Variants in HTR4 observed in about 807,000 individuals in gnomAD.
HTR4 encodes the protein 5-hydroxytryptamine receptor 4.
HTR4 carries 16 observed loss-of-function variants against 36.8 expected under a neutral mutation model. The observed-to-expected ratio is 0.43, with a 90% CI of 0.29 to 0.66. HTR4 has a LOEUF of 0.66. Among genes scored for constraint, HTR4 ranks in the 30% least tolerant of loss-of-function variants. The pLI is 0.13. For synonymous variants in HTR4, 189 were observed against 185.1 expected (o/e 1.02, Z -0.17); for missense variants, 438 against 490.9 (o/e 0.89, Z 1.02).
chr5:148,625,484 A>G (rs971353947), intron 2 of HTR4, among the ~76,000 whole-genome samples: 2 of 152,224 alleles, frequency 1.3e-5, no homozygotes, highest in Non-Finnish European at 2.9e-5. Flanking sequence ...TATTTTAAAT[A>G]CTTTTCAACT....
chr5:148,607,116 T>C (rs774630407), intron 2 of HTR4, among the ~76,000 whole-genome samples: 1 of 152,240 alleles, frequency 6.6e-6, no homozygotes, highest in African/African-American at 2.4e-5. Flanking sequence ...GTCTTAATTC[T>C]ATTCCTTCCT....
At chr5:148,534,875 G>A (rs976137259) in intron 4 of HTR4, among the ~76,000 whole-genome samples, 9 of 152,068 alleles carry the variant, frequency 5.9e-5, no homozygotes, top group African/African-American at 2.2e-4. Flanking sequence ...CTGCCTCCAA[G>A]TGGAGGAAGG....
intron 2 of HTR4, among the ~76,000 whole-genome samples, chr5:148,624,902 C>T (rs1449936950): frequency 6.6e-6 from 1 of 152,152 alleles, no homozygotes; most frequent in African/African-American, 2.4e-5. Context: ...AGATGTCAGA[C>T]TAAATACCAG....
At chr5:148,540,442 ATATAT>A (rs1759062567) in intron 4 of HTR4, among the ~76,000 whole-genome samples, 5 of 122,556 alleles carry the variant, frequency 4.1e-5, no homozygotes, top group South Asian at 2.6e-4. Context: ...ATATATATAT[ATATAT>A]AATCTTATAT....
intron 6 of HTR4, among the ~76,000 whole-genome samples, chr5:148,505,773 A>G (rs907049851): frequency 6.6e-6 from 1 of 152,184 alleles, no homozygotes; most frequent in African/African-American, 2.4e-5. Context: ...CCCAATCACA[A>G]TTGCTTCAAA....
intron 2 of HTR4, among the ~76,000 whole-genome samples, chr5:148,573,041 C>T (rs760748941): frequency 1.3e-5 from 2 of 152,032 alleles, no homozygotes; most frequent in South Asian, 2.1e-4. Context: ...AGATCTCATT[C>T]GAGAGACCAA....
chr5:148,569,584 A>G (rs971987759), intron 2 of HTR4, among the ~76,000 whole-genome samples: 4 of 150,446 alleles, frequency 2.7e-5, no homozygotes, highest in South Asian at 2.1e-4. Context: ...TTGTATGTAT[A>G]TTATATTTAT....
chr5:148,452,493 C>A (rs1971431), intron 5 of HTR4, among the ~76,000 whole-genome samples: 1 of 152,004 alleles, frequency 6.6e-6, no homozygotes, highest in African/African-American at 2.4e-5. Flanking sequence ...TGGCACCTAG[C>A]GGGTAGGGAC....
intron 4 of HTR4, among the ~76,000 whole-genome samples, chr5:148,536,414 T>C (rs1055669312): frequency 6.6e-6 from 1 of 151,842 alleles, no homozygotes; most frequent in African/African-American, 2.4e-5. Context: ...ATGGATTAAA[T>C]GCCTCACTTA....
intron 6 of HTR4, among the ~76,000 whole-genome samples, chr5:148,505,935 A>G (rs1323103204): frequency 1.3e-5 from 2 of 152,200 alleles, no homozygotes; most frequent in African/African-American, 4.8e-5. Flanking sequence ...TATCGCGAAA[A>G]TGGCCATACT....
rs377467107 is a variant in HTR4 at position 148,616,681 on chromosome 5, A to G, written c.26+20308T>C. On this transcript the variant is annotated intron_variant, in intron 2 of 6. Transcript: ENST00000377888. The stretch of plus-strand genomic sequence containing the variant: ...ATTAGTATCTGTGTTCATCTTCACC[A>G]GAAAGAATAATATAATATAAATTAA... Among the ~76,000 whole-genome samples, 7 of 152,362 alleles carry G rather than the reference A, an allele frequency of 4.6e-5. No homozygotes were observed. In the East Asian group the frequency reaches 1.3e-3, roughly 29 times the overall value.
intron 5 of HTR4, among the ~76,000 whole-genome samples, chr5:148,521,898 T>C (rs1581419054): frequency 6.6e-6 from 1 of 152,252 alleles, no homozygotes; most frequent in East Asian, 1.9e-4. Context: ...CATGACATAT[T>C]TTCTTCAGCT....
chr5:148,543,551 A>T (rs891962), intron 4 of HTR4, among the ~76,000 whole-genome samples: 1 of 151,952 alleles, frequency 6.6e-6, no homozygotes, highest in East Asian at 1.9e-4. Context: ...TATTCAAATA[A>T]GTCTGCTTAT....
downstream of HTR4, among the ~76,000 whole-genome samples, chr5:148,481,214 G>C (rs750642743): frequency 6.6e-6 from 1 of 152,206 alleles, no homozygotes; most frequent in Non-Finnish European, 1.5e-5. Context: ...AATGGTGCTT[G>C]CCTCCTAATG....
chr5:148,515,985 C>CATAT (rs3041921), intron 5 of HTR4, among the ~76,000 whole-genome samples: 59 of 148,642 alleles, frequency 4.0e-4, no homozygotes, highest in Middle Eastern at 3.5e-3. Flanking sequence ...ATATATGTAA[C>CATAT]ATATATATAT....
chr5:148,548,631 G>A (rs1314600494), intron 4 of HTR4, 37 bp downstream of exon 4: 2 of 1,507,682 alleles, frequency 1.3e-6, no homozygotes, highest in Admixed American at 1.9e-5. Context: ...CATGTCTCCA[G>A]CATGGAGCTC....
intron 2 of HTR4, 77 bp downstream of exon 2, chr5:148,636,912 C>A: frequency 2.1e-6 from 2 of 939,964 alleles, no homozygotes; most frequent in Non-Finnish European, 1.7e-6. Flanking sequence ...TATAACTCTA[C>A]AACAACAGAT....
chr5:148,462,797 A>G (rs1033508813), intron 5 of HTR4, among the ~76,000 whole-genome samples: 1 of 152,206 alleles, frequency 6.6e-6, no homozygotes, highest in African/African-American at 2.4e-5. Context: ...CAATGTATAC[A>G]CAGAATTGCC....
chr5:148,649,032 CCT>C (rs2062562811), intron 1 of HTR4, among the ~76,000 whole-genome samples: 1 of 152,080 alleles, frequency 6.6e-6, no homozygotes, highest in Admixed American at 6.5e-5. Flanking sequence ...TACTAATACA[CCT>C]AGCCTTCTAA....
Sources: gnomAD v4.1 joint callset for allele counts (sites outside exome capture counted in the v4.1 genomes callset) on GRCh38, gnomAD v4.1.1 for gene constraint, MANE v1.5 for transcripts, NCBI Gene and HGNC (gene_info 2026-07-23, HGNC 2026-07-21) for gene names.